Variants in TRIM33 observed in about 807,000 individuals in gnomAD.
TRIM33 encodes the protein E3 ubiquitin-protein ligase TRIM33.
Under a neutral mutation model 125.4 loss-of-function variants are expected in TRIM33, and 20 were observed. That is an observed-to-expected ratio of 0.16 (90% CI 0.11 to 0.23). The LOEUF is 0.23. Ranked by LOEUF, TRIM33 falls within the 10% of genes least tolerant of loss-of-function variation. The pLI, the probability that TRIM33 is intolerant of heterozygous loss-of-function variation, is 1.00. For synonymous variants in TRIM33, 564 were observed against 513.9 expected, an observed-to-expected ratio of 1.10 and a Z score of -1.32; for missense variants, 920 against 1,411.4, an observed-to-expected ratio of 0.65 and a Z score of 5.58.
intron 1 of TRIM33, among the ~76,000 whole-genome samples, chr1:114,487,903 CAAAAA>C (rs573681532): frequency 3.0e-4 from 11 of 36,630 alleles, no homozygotes; most frequent in African/African-American, 1.2e-3. Context: ...GACTCCGTCT[CAAAAA>C]AAAAAAAAAA....
At chr1:114,435,287 AC>A (rs1475463003) in intron 4 of TRIM33, among the ~76,000 whole-genome samples, 2 of 152,208 alleles carry the variant, frequency 1.3e-5, no homozygotes, top group South Asian at 2.1e-4. Flanking sequence ...ACAAGCTGGA[AC>A]TGACTTTATC....
At chr1:114,414,027 G>GCA (rs3077592) in intron 11 of TRIM33, among the ~76,000 whole-genome samples, 10,357 of 130,544 alleles carry the variant, frequency 0.079, 459 homozygotes, top group South Asian at 0.11. Context: ...TAAATCACAG[G>GCA]CACACACACA....
chr1:114,460,234 T>C (rs1237092397), intron 4 of TRIM33: 2 of 208,410 alleles, frequency 9.6e-6, no homozygotes, highest in Non-Finnish European at 1.0e-5. Flanking sequence ...CACGCCAGCA[T>C]AGTGGTTATC....
Position 114,421,531 on chromosome 1 carries a change from C to G in TRIM33, c.1966G>C (p.Gly656Arg). Residue 656 changes from glycine to arginine, a missense_variant, in exon 11 of 20, where the codon GGT (glycine) becomes CGT (arginine). Gly to Arg is a moderately radical substitution (Grantham distance 125, BLOSUM62 -2). This residue lies in a region of TRIM33 where 407 missense variants were observed against 589.7 expected (regional missense o/e 0.69). Coordinates refer to ENST00000358465, the MANE Select transcript of TRIM33 (RefSeq NM_015906.4). ...GCTGTAACAGATGGGCTGGTGGGAC[C>G]TCGGTTTGCATTTGCCATAGTTGCT... ...TTATMANANR[G>R]PTSPSVTAIE... 1 of 1,613,980 alleles carries G rather than the reference C, an allele frequency of 6.2e-7. No individual in the cohort carries two copies. The highest frequency in any genetic ancestry group is 8.5e-7 in the Non-Finnish European group (1 of 1,179,990).
intron 13 of TRIM33, 87 bp downstream of exon 13, chr1:114,408,590 G>C: frequency 1.2e-6 from 1 of 809,842 alleles, no homozygotes; most frequent in Non-Finnish European, 2.0e-6. Context: ...TAAGTATAAA[G>C]GGGTTCACTG....
At chr1:114,411,139 A>C (rs1652559372) in intron 11 of TRIM33, among the ~76,000 whole-genome samples, 1 of 152,134 alleles carries the variant, frequency 6.6e-6, no homozygotes, top group Non-Finnish European at 1.5e-5. Context: ...TCCCAGGCTC[A>C]AGCCATGCCC....
At chr1:114,439,923 C>G (rs184432117) in intron 4 of TRIM33, among the ~76,000 whole-genome samples, 2 of 152,206 alleles carry the variant, frequency 1.3e-5, no homozygotes, top group Admixed American at 1.3e-4. Flanking sequence ...AATTATTTAT[C>G]CAGAAAAGTT....
chr1:114,464,227 T>C (rs767032497), intron 2 of TRIM33, 43 bp downstream of exon 2: 2 of 1,042,106 alleles, frequency 1.9e-6, no homozygotes, highest in South Asian at 3.0e-5. Flanking sequence ...AACTTACAGT[T>C]TGATATCAAG....
chr1:114,416,619 C>T lies in TRIM33; in HGVS notation c.2061+4817G>A, dbSNP rs543119599. Among the ~76,000 whole-genome samples, 18 of 152,310 alleles carry T rather than the reference C, an allele frequency of 1.2e-4. No homozygotes were observed. The South Asian group carries it at 1.2e-3, about 11-fold the overall frequency. Reference sequence around the variant, plus strand: ...CCAACAAATATATCTCATATCTACACACTAAAGTATAATTCAGTCCTTGAG... The same window carrying T: ...CCAACAAATATATCTCATATCTACATACTAAAGTATAATTCAGTCCTTGAG... On this transcript the variant is annotated intron_variant, in intron 11 of 19. Transcript: ENST00000358465.
chr1:114,507,221 G>C (rs964411162), intron 1 of TRIM33, among the ~76,000 whole-genome samples: 2 of 152,218 alleles, frequency 1.3e-5, no homozygotes, highest in Non-Finnish European at 2.9e-5. Context: ...TCAAACTTAA[G>C]CGTGAATCAG....
chr1:114,498,815 G>A (rs1652534278), intron 1 of TRIM33, among the ~76,000 whole-genome samples: 2 of 152,092 alleles, frequency 1.3e-5, no homozygotes, highest in African/African-American at 4.8e-5. Context: ...ATAAGAGTGG[G>A]AGGTGGGGAA....
intron 12 of TRIM33, among the ~76,000 whole-genome samples, chr1:114,408,987 A>G (rs1166979552): frequency 1.3e-5 from 2 of 152,230 alleles, no homozygotes; most frequent in Non-Finnish European, 2.9e-5. Flanking sequence ...ACAGACCAAG[A>G]AAACGTTATC....
intron 4 of TRIM33, among the ~76,000 whole-genome samples, chr1:114,457,193 C>A (rs117729106): frequency 6.6e-6 from 1 of 152,296 alleles, no homozygotes; most frequent in East Asian, 1.9e-4. Flanking sequence ...AGTAGTCTCT[C>A]TAAATACTTT....
chr1:114,408,792 A>T, intron 12 of TRIM33, 52 bp from the exon 13 acceptor site: 7 of 1,224,000 alleles, frequency 5.7e-6, no homozygotes, highest in Non-Finnish European at 8.2e-6. Flanking sequence ...AATATTTGGA[A>T]TTCTACCTAC....
intron 1 of TRIM33, among the ~76,000 whole-genome samples, chr1:114,500,626 C>G (rs942738720): frequency 1.2e-4 from 17 of 145,734 alleles, no homozygotes; most frequent in African/African-American, 4.3e-4. Flanking sequence ...AAAAAAGGAG[C>G]AAAAGGTCAA....
In TRIM33 at chr1:114,432,784, T is replaced by C. The variant is rs569501777; in HGVS notation, c.1040+833A>G. Among the ~76,000 whole-genome samples the C allele has an allele frequency of 2.0e-5, 3 of 151,688 alleles. No homozygotes were observed. The South Asian group carries it at 6.2e-4, about 31-fold the overall frequency. On this transcript the variant is annotated intron_variant, in intron 5 of 19. Coordinates refer to ENST00000358465, the MANE Select transcript of TRIM33 (RefSeq NM_015906.4). ...CTGGGCGACAGACCGAGACTCCGTCTCAAAAAAAAAAAGTTCTACCATGTG... is the reference window on the plus strand; with the variant it reads ...CTGGGCGACAGACCGAGACTCCGTCCCAAAAAAAAAAAGTTCTACCATGTG...
chr1:114,431,003 A>C, intron 5 of TRIM33, 91 bp from the exon 6 acceptor site: 1 of 771,922 alleles, frequency 1.3e-6, no homozygotes, highest in South Asian at 1.6e-5. Flanking sequence ...CTGGGCACTT[A>C]ACCGAGTAAT....
chr1:114,412,261 G>C (rs1209204313), intron 11 of TRIM33, among the ~76,000 whole-genome samples: 1 of 152,038 alleles, frequency 6.6e-6, no homozygotes, highest in Non-Finnish European at 1.5e-5. Context: ...AATTACTTTT[G>C]GCCCAGTAAT....
intron 4 of TRIM33, among the ~76,000 whole-genome samples, chr1:114,444,242 G>A (rs896110414): frequency 2.0e-5 from 3 of 152,168 alleles, no homozygotes; most frequent in African/African-American, 4.8e-5. Flanking sequence ...TAGATAGAGG[G>A]AAGAGAAGAT....
Sources: gnomAD v4.1 joint callset for allele counts (sites outside exome capture counted in the v4.1 genomes callset) on GRCh38, gnomAD v4.1.1 for gene constraint, gnomAD v4.1.1 regional missense constraint, MANE v1.5 for transcripts, NCBI Gene and HGNC (gene_info 2026-07-23, HGNC 2026-07-21) for gene names.